Variants in SMG1 observed in about 807,000 individuals in gnomAD.
SMG1 encodes the protein serine/threonine-protein kinase SMG1.
A neutral mutation model predicts 419.9 loss-of-function variants in SMG1; 22 were observed. That is an observed-to-expected ratio of 0.05 (90% CI 0.04 to 0.07). The LOEUF is 0.07. Among genes scored for constraint, SMG1 ranks in the 10% least tolerant of loss-of-function variants. SMG1 has a pLI of 1.00. For missense variants in SMG1, 3,185 were observed against 4,342.0 expected (o/e 0.73, Z 7.49); for synonymous variants, 1,538 against 1,553.5 (o/e 0.99, Z 0.23).
rs531206377 is a variant in SMG1 at position 18,835,085 on chromosome 16, A to G, written c.8137T>C (p.Tyr2713His). The G allele has an allele frequency of 3.7e-6, 6 of 1,613,730 alleles. No homozygotes were observed. The African/African-American group carries it at 8.0e-5, about 22-fold the overall frequency. Reference sequence around the variant, plus strand: ...AGTCTGCTGTTGATGTCTGCTGCGTATCGCTGCAGGGTCATTTCAGTGGCA... The same window carrying G: ...AGTCTGCTGTTGATGTCTGCTGCGTGTCGCTGCAGGGTCATTTCAGTGGCA... ...ITATEMTLQR[Y>H]AADINSRLIR... Residue 2713 changes from tyrosine to histidine, a missense_variant, in exon 49 of 63, where the codon TAC becomes CAC. Tyr to His is a moderately conservative substitution (Grantham distance 83). Coordinates refer to ENST00000446231, the MANE Select transcript of SMG1 (RefSeq NM_015092.5).
At position 18,850,268 on chromosome 16, in the gene SMG1, T is replaced by G; in HGVS notation, c.5252A>C (p.Tyr1751Ser). The change falls in exon 34 of 63, where the codon TAC (tyrosine) becomes TCC (serine). Residue 1751 changes from tyrosine (Y) to serine (S), a missense_variant. Physicochemically the swap from Tyr to Ser is moderately radical, Grantham distance 144. Coordinates refer to ENST00000446231, the MANE Select transcript of SMG1 (RefSeq NM_015092.5). ...AGCGTTGAGTTTAAGGAAAGTAAAG[T>G]ATGCACTGCAAGAGAGTTTGTACAG... ...FSLYKLSCSA[Y>S]FTFLKLNAGQ... 6.2e-7 allele frequency: 1 copy of G among 1,612,434 alleles called. No individual in the cohort carries two copies. Among genetic ancestry groups the G allele is most frequent in the Non-Finnish European group, 8.5e-7 (1 of 1,178,984 alleles).
chr16:18,810,578 T>A (rs2031293169), intron 62 of SMG1, among the ~76,000 whole-genome samples: 1 of 152,140 alleles, frequency 6.6e-6, no homozygotes, highest in Non-Finnish European at 1.5e-5. Context: ...GGGATGTCAC[T>A]CCATAAGGGG....
intron 47 of SMG1, 43 bp downstream of exon 47, chr16:18,836,317 A>G (rs754379359): frequency 6.2e-7 from 1 of 1,600,032 alleles, no homozygotes; most frequent in Non-Finnish European, 8.5e-7. Flanking sequence ...TGACTATAAA[A>G]CTCATAGTTT....
chr16:18,885,306 G>A (rs1214488733), intron 7 of SMG1, 144 bp from the exon 8 acceptor site: 9 of 638,556 alleles, frequency 1.4e-5, no homozygotes, highest in Non-Finnish European at 2.4e-5. Context: ...AAGGGGAGAG[G>A]GGCAGGAAAA....
At chr16:18,843,108 A>C (rs1234189779) in intron 39 of SMG1, among the ~76,000 whole-genome samples, 2 of 152,240 alleles carry the variant, frequency 1.3e-5, no homozygotes, top group East Asian at 1.9e-4. Context: ...TGTATGCACA[A>C]CACCAAAACA....
chr16:18,925,997 G>T lies in SMG1; in HGVS notation c.45C>A (p.Gly15=). ...TCCGCGGATACTTGGTGCCGCCGCC[G>T]CCGCCGCCGCTGCTCAGCCGAGACC... ...APGSRLSSGG[G]GGGTKYPRSW... Residue 15 remains glycine, a synonymous_variant, in exon 1 of 63, where the codon GGC becomes GGA. Transcript: ENST00000446231. 1 of 1,578,912 alleles carries T rather than the reference G, an allele frequency of 6.3e-7. No homozygotes were observed.
intron 25 of SMG1, among the ~76,000 whole-genome samples, chr16:18,862,831 G>C (rs550061771): frequency 5.3e-5 from 8 of 152,160 alleles, no homozygotes; most frequent in Non-Finnish European, 1.0e-4. Context: ...CCTAAACACA[G>C]AGGCCTCCCA....
chr16:18,908,659 C>T (rs547669437), intron 1 of SMG1, among the ~76,000 whole-genome samples: 1 of 151,636 alleles, frequency 6.6e-6, no homozygotes, highest in African/African-American at 2.4e-5. Flanking sequence ...GCGGGAGGAT[C>T]TCAAGGTCAG....
In SMG1 at chr16:18,876,257, G is replaced by T; in HGVS notation, c.1757C>A (p.Pro586His). The change falls in exon 13 of 63, where the codon CCT becomes CAT. Residue 586 changes from proline to histidine, a missense_variant. Physicochemically the swap from Pro to His is moderately conservative, Grantham distance 77. This residue lies in a region of SMG1 where 297 missense variants were observed against 491.0 expected (regional missense o/e 0.60). Coordinates refer to ENST00000446231, the MANE Select transcript of SMG1 (RefSeq NM_015092.5). ...LNNLLHSLQL[P>H]EACSEIKHEA... ...ATGTTTTATTTCAGAACAGGCCTCA[G>T]GAAGTTGTAGACTGTGTAGGAGGTT... 6.2e-7 allele frequency: 1 copy of T among 1,611,752 alleles called. No individual in the cohort carries two copies. The highest frequency in any genetic ancestry group is 1.1e-5 in the South Asian group (1 of 90,988).
intron 60 of SMG1, 44 bp downstream of exon 60, chr16:18,815,131 G>A: frequency 8.4e-7 from 1 of 1,193,104 alleles, no homozygotes. Context: ...TAGCATCTAT[G>A]TGTAACATTA....
At chr16:18,911,857 G>GT (rs2037805365) in intron 1 of SMG1, 1 of 152,002 alleles carries the variant, frequency 6.6e-6, no homozygotes, top group Admixed American at 6.5e-5. Flanking sequence ...TGAAGCGGAT[G>GT]TATCACCTGA....
intron 13 of SMG1, 21 bp downstream of exon 13, chr16:18,876,103 T>C: frequency 6.2e-7 from 1 of 1,610,856 alleles, no homozygotes; most frequent in Non-Finnish European, 8.5e-7. Flanking sequence ...TAAAACAAAG[T>C]CATTACAATT....
At chr16:18,881,030 T>C in intron 10 of SMG1, among the ~76,000 whole-genome samples, 1 of 147,662 alleles carries the variant, frequency 6.8e-6, no homozygotes, top group African/African-American at 2.5e-5. Flanking sequence ...AGGTGGGAGG[T>C]TCATATGGGC....
At chr16:18,916,475 C>T (rs1262446909) in intron 1 of SMG1, among the ~76,000 whole-genome samples, 4 of 141,222 alleles carry the variant, frequency 2.8e-5, no homozygotes, top group Admixed American at 2.2e-4. Context: ...GAGATCCTGC[C>T]ACTGCACTCC....
In SMG1 at chr16:18,926,202, G is replaced by A. The variant is rs1250997608; in HGVS notation, c.-161C>T. The A allele has an allele frequency of 4.8e-6, 3 of 628,178 alleles. No homozygotes were observed. Among genetic ancestry groups the A allele is most frequent in the Non-Finnish European group, 7.9e-6 (3 of 381,458 alleles). 38.9% of individuals were successfully genotyped at this position (628,178 alleles called of 1,614,324 possible). On this transcript the variant is annotated 5_prime_UTR_variant, in exon 1 of 63. Transcript: ENST00000446231. ...GAGGAGAAGGAGGAGGCGGCGGAGGGCGGGGGAAGAGGACGGCCGTTCCGG... is the reference window on the plus strand; with the variant it reads ...GAGGAGAAGGAGGAGGCGGCGGAGGACGGGGGAAGAGGACGGCCGTTCCGG...
At chr16:18,855,852 T>C (rs1185089984) in intron 29 of SMG1, among the ~76,000 whole-genome samples, 3 of 152,228 alleles carry the variant, frequency 2.0e-5, no homozygotes, top group Admixed American at 1.3e-4. Flanking sequence ...TTCACTTCCC[T>C]GCTTAAAAGC....
chr16:18,877,073 T>C, intron 12 of SMG1, 58 bp downstream of exon 12: 8 of 1,238,696 alleles, frequency 6.5e-6, no homozygotes, highest in Non-Finnish European at 9.1e-6. Flanking sequence ...TAAGCAACAT[T>C]AGGTCCAACT....
At chr16:18,819,388 T>C (rs1383154402) in intron 56 of SMG1, 114 bp downstream of exon 56, 16 of 1,116,230 alleles carry the variant, frequency 1.4e-5, no homozygotes, top group Admixed American at 2.1e-5. Context: ...CTCCCAGGGC[T>C]GTGAGCCAGA....
rs80169820 is a variant in SMG1, at chr16:18,811,521, C to T, written c.10908+240G>A. On this transcript the variant is annotated intron_variant, in intron 62 of 62. Transcript: ENST00000446231. Reference sequence around the variant, plus strand: ...TAACTGTAGTCTGGTGGAGGAGGATCGGACTTATATTTGGGTTAAAACAGG... The same window carrying T: ...TAACTGTAGTCTGGTGGAGGAGGATTGGACTTATATTTGGGTTAAAACAGG... 7.0e-3 allele frequency among the ~76,000 whole-genome samples: 1,069 copies of T among 152,198 alleles called. 12 individuals are homozygous for T. Among genetic ancestry groups the T allele is most frequent in the Non-Finnish European group, 9.2e-3 (627 of 68,004 alleles).
Sources: gnomAD v4.1 joint callset for allele counts (sites outside exome capture counted in the v4.1 genomes callset) on GRCh38, gnomAD v4.1.1 for gene constraint, gnomAD v4.1.1 regional missense constraint, MANE v1.5 for transcripts, NCBI Gene and HGNC (gene_info 2026-07-23, HGNC 2026-07-21) for gene names.